Variants in RPP14 observed in about 807,000 individuals in gnomAD.
RPP14 encodes the protein ribonuclease P protein subunit p14.
Under a neutral mutation model 17.8 loss-of-function variants are expected in RPP14, and 19 were observed. That is an observed-to-expected ratio of 1.07 (90% CI 0.74 to 1.57). The LOEUF (loss-of-function observed/expected upper bound fraction) is 1.57, where lower values mean the gene tolerates loss of function less well. Ranked by LOEUF, RPP14 falls within the 40% of genes most tolerant of loss-of-function variation. RPP14 has a pLI of 0.00. For missense variants in RPP14, 125 were observed against 140.8 expected, an observed-to-expected ratio of 0.89 and a Z score of 0.57; for synonymous variants, 60 against 56.4, an observed-to-expected ratio of 1.06 and a Z score of -0.29.
chr3:58,308,221 C>T (rs1306834196), intron 1 of RPP14, among the ~76,000 whole-genome samples: 2 of 152,068 alleles, frequency 1.3e-5, no homozygotes, highest in African/African-American at 2.4e-5. Context: ...AATATATAGG[C>T]CTATACCACT....
At chr3:58,312,071 CCCAGGCT>C (rs2097482847) in intron 3 of RPP14, among the ~76,000 whole-genome samples, 1 of 151,742 alleles carries the variant, frequency 6.6e-6, no homozygotes. Flanking sequence ...CACTATGTTG[CCCAGGCT>C]CCTGGACTCA....
Position 58,310,362 on chromosome 3 carries a change from A to G in RPP14, c.33A>G (p.Val11=). Residue 11 remains valine, a synonymous_variant, in exon 2 of 6, where the codon GTA becomes GTG. Coordinates refer to ENST00000295959, the MANE Select transcript of RPP14 (RefSeq NM_007042.6). MPAPAATYER[V]VYKNPSEYHY... ...CCCCTGCTGCCACATATGAAAGAGT[A>G]GTTTACAAAAACCCTTCCGAGTACC... 1.9e-6 allele frequency: 3 copies of G among 1,614,228 alleles called. No individual in the cohort carries two copies. The highest frequency in any genetic ancestry group is 2.5e-6 in the Non-Finnish European group (3 of 1,180,034).
In RPP14 at chr3:58,319,503, G is replaced by A. The variant is rs1240397561; in HGVS notation, c.*2007G>A. On this transcript the variant is annotated 3_prime_UTR_variant, in exon 6 of 6. Coordinates refer to ENST00000295959, the MANE Select transcript of RPP14 (RefSeq NM_007042.6). ...GACTGGCCCACAGTTAAACGTAACA[G>A]ACCAGTTTTTCAGGGTGTCAGCCAA... 2 of 152,122 alleles carry A rather than the reference G, an allele frequency of 1.3e-5. No homozygotes were observed. Among genetic ancestry groups the A allele is most frequent in the Non-Finnish European group, 2.9e-5 (2 of 68,022 alleles). 9.4% of individuals were successfully genotyped at this position (152,122 alleles called of 1,614,324 possible).
chr3:58,317,860 G>T lies in RPP14; in HGVS notation c.*364G>T. On this transcript the variant is annotated 3_prime_UTR_variant, in exon 6 of 6. Transcript: ENST00000295959. ...ACACACCAAGTTTGGAAATACAATT[G>T]TACATGGAGTTTTGATCAACGGACT... 1 of 703,022 alleles carries T rather than the reference G, an allele frequency of 1.4e-6. No homozygotes were observed. The highest frequency in any genetic ancestry group is 2.6e-6 in the Non-Finnish European group (1 of 385,000). The allele number at this position is 703,022 out of a possible 1,614,324, so 43.5% of individuals were successfully genotyped here.
chr3:58,317,536 A>T lies in RPP14; in HGVS notation c.*40A>T. ...ATTTTGGAAACGTTCATCCACTCTC[A>T]TATTTATTTTTTGGTGCCTGCATGT... On this transcript the variant is annotated 3_prime_UTR_variant, in exon 6 of 6. Coordinates refer to ENST00000295959, the MANE Select transcript of RPP14 (RefSeq NM_007042.6). 7.2e-7 allele frequency: 1 copy of T among 1,387,330 alleles called. No individual in the cohort carries two copies. Among genetic ancestry groups the T allele is most frequent in the Non-Finnish European group, 1.0e-6 (1 of 982,764 alleles). 85.9% of individuals were successfully genotyped at this position (1,387,330 alleles called of 1,614,324 possible). A position where few individuals can be genotyped will look rare whatever the true frequency, so the allele number is the denominator to read the frequency against.
intron 3 of RPP14, among the ~76,000 whole-genome samples, chr3:58,315,023 G>C (rs894376678): frequency 3.3e-5 from 5 of 152,206 alleles, no homozygotes; most frequent in South Asian, 2.1e-4. Flanking sequence ...ATCTGCCATA[G>C]AACCCAGCAT....
intron 1 of RPP14, chr3:58,308,035 T>A (rs2097477552): frequency 6.6e-6 from 1 of 152,034 alleles, no homozygotes; most frequent in African/African-American, 2.4e-5. Flanking sequence ...CTCCCCTATT[T>A]TAGGCAGCCA....
intron 3 of RPP14, among the ~76,000 whole-genome samples, chr3:58,311,682 A>AGTACTG (rs4021306): frequency 0.36 from 53,784 of 149,358 alleles, 10,523 homozygotes; most frequent in East Asian, 0.81. Context: ...TATTGGGAAT[A>AGTACTG]CAATAAATAT....
chr3:58,310,591 G>C lies in RPP14; in HGVS notation c.162G>C (p.Glu54Asp), dbSNP rs759721296. ...LISAVKDLFG[E>D]VDAALPLDIL... ...CGGCTGTGAAGGACCTGTTTGGGGA[G>C]GTATGGAATCACTTGGTAGATTGAA... Residue 54 changes from glutamate (E) to aspartate (D), a missense_variant and splice_region_variant, in exon 3 of 6, where the codon GAG becomes GAC. Coordinates refer to ENST00000295959, the MANE Select transcript of RPP14 (RefSeq NM_007042.6). The C allele has an allele frequency of 2.5e-6, 4 of 1,609,036 alleles. No individual in the cohort carries two copies. The highest frequency in any genetic ancestry group is 3.4e-6 in the Non-Finnish European group (4 of 1,177,870).
Position 58,319,713 on chromosome 3 carries a change from G to A in RPP14, c.*2217G>A, listed in dbSNP as rs1401264293. 1.3e-5 allele frequency: 2 copies of A among 152,034 alleles called. No individual in the cohort carries two copies. Among genetic ancestry groups the A allele is most frequent in the South Asian group, 4.1e-4 (2 of 4,830 alleles). The allele number at this position is 152,034 out of a possible 1,614,324, so 9.4% of individuals were successfully genotyped here. On this transcript the variant is annotated 3_prime_UTR_variant, in exon 6 of 6. Coordinates refer to ENST00000295959, the MANE Select transcript of RPP14 (RefSeq NM_007042.6). Reference sequence around the variant, plus strand: ...TTAAGACTTTGGGGGCTGGGGTCAGGGAGGTTATATTGAAGGGGAGATGTG... The same window carrying A: ...TTAAGACTTTGGGGGCTGGGGTCAGAGAGGTTATATTGAAGGGGAGATGTG...
intron 4 of RPP14, 113 bp from the exon 5 acceptor site, chr3:58,316,801 TC>T: frequency 1.0e-6 from 1 of 989,630 alleles, no homozygotes; most frequent in East Asian, 2.5e-5. Context: ...GCTGTAGTTT[TC>T]CCATTGATGG....
Position 58,317,755 on chromosome 3 carries a change from T to A in RPP14, c.*259T>A. On this transcript the variant is annotated 3_prime_UTR_variant, in exon 6 of 6. Transcript: ENST00000295959. ...AGACCGCGCTGAACTTAGGAGGGCC[T>A]TCACACAGACTGATGTGGCTACCTT... 1.4e-6 allele frequency: 1 copy of A among 703,328 alleles called. No individual in the cohort carries two copies. Among genetic ancestry groups the A allele is most frequent in the Non-Finnish European group, 2.6e-6 (1 of 385,012 alleles). 43.6% of individuals were successfully genotyped at this position (703,328 alleles called of 1,614,324 possible).
chr3:58,310,571 G>A lies in RPP14; in HGVS notation c.142G>A (p.Val48Met). ...AQFKQLLISA[V>M]KDLFGEVDAA... is the part of the protein sequence containing the mutation. ...GTTCAAACAGCTGCTTATTTCGGCT[G>A]TGAAGGACCTGTTTGGGGAGGTATG... Residue 48 changes from valine (V) to methionine (M), a missense_variant, in exon 3 of 6, where the codon GTG (valine) becomes ATG (methionine). Coordinates refer to ENST00000295959, the MANE Select transcript of RPP14 (RefSeq NM_007042.6). 1.2e-6 allele frequency: 2 copies of A among 1,612,598 alleles called. No homozygotes were observed. The highest frequency in any genetic ancestry group is 2.2e-5 in the East Asian group (1 of 44,850).
chr3:58,310,216 A>C (rs1457375598), intron 1 of RPP14, 93 bp from the exon 2 acceptor site: 1 of 946,190 alleles, frequency 1.1e-6, no homozygotes, highest in African/African-American at 1.7e-5. Context: ...TAAAACAAAC[A>C]AACAAAAAAA....
In RPP14 at chr3:58,310,533, T is replaced by C. The variant is rs2097481051; in HGVS notation, c.104T>C (p.Leu35Pro). The C allele has an allele frequency of 6.2e-7, 1 of 1,612,150 alleles. No homozygotes were observed. The highest frequency in any genetic ancestry group is 8.5e-7 in the Non-Finnish European group (1 of 1,179,512). Residue 35 changes from leucine to proline, a missense_variant, in exon 3 of 6, where the codon CTG becomes CCG. Leu to Pro is a moderately conservative substitution (Grantham distance 98, BLOSUM62 -3). Transcript: ENST00000295959. ...CLEFQDCGVG[L>P]NAAQFKQLLI... Reference sequence around the variant, plus strand: ...GAATTTCAAGATTGTGGAGTTGGACTGAATGCTGCACAGTTCAAACAGCTG... The same window carrying C: ...GAATTTCAAGATTGTGGAGTTGGACCGAATGCTGCACAGTTCAAACAGCTG...
At position 58,317,140 on chromosome 3, in the gene RPP14, C is replaced by T. The variant is rs2097489155; in HGVS notation, c.318+147C>T. 3 of 648,806 alleles carry T rather than the reference C, an allele frequency of 4.6e-6. No homozygotes were observed. The South Asian group carries it at 6.3e-5, about 14-fold the overall frequency. 40.2% of individuals were successfully genotyped at this position (648,806 alleles called of 1,614,324 possible). A position where few individuals can be genotyped will look rare whatever the true frequency, so the allele number is the denominator to read the frequency against. On this transcript the variant is annotated intron_variant, in intron 5 of 5. Coordinates refer to ENST00000295959, the MANE Select transcript of RPP14 (RefSeq NM_007042.6). ...GGAAAATAAAGGACTTGATTGTTTC[C>T]AAAAATGTGAGACAGAGCACTTAGA...
At chr3:58,316,701 G>C (rs759572883) in intron 4 of RPP14, 110 bp downstream of exon 4, 36 of 1,059,206 alleles carry the variant, frequency 3.4e-5, no homozygotes, top group Non-Finnish European at 5.0e-5. Context: ...ACTCTGAGCA[G>C]CTTTTGGGAA....
Position 58,319,141 on chromosome 3 carries a change from G to C in RPP14, c.*1645G>C, listed in dbSNP as rs568616941. The C allele has an allele frequency of 2.6e-5, 4 of 152,274 alleles. No individual in the cohort carries two copies. In the South Asian group the frequency reaches 8.3e-4, roughly 32 times the overall value. The allele number at this position is 152,274 out of a possible 1,614,324, so 9.4% of individuals were successfully genotyped here. A position where few individuals can be genotyped will look rare whatever the true frequency, so the allele number is the denominator to read the frequency against. On this transcript the variant is annotated 3_prime_UTR_variant, in exon 6 of 6. Transcript: ENST00000295959. ...TATTGAAGGCGAAAATAGAAGTTGG[G>C]TCATCTTTGAACACCTACCTTTTAT...
chr3:58,313,286 A>G (rs2097484462), intron 3 of RPP14, among the ~76,000 whole-genome samples: 1 of 152,176 alleles, frequency 6.6e-6, no homozygotes, highest in East Asian at 1.9e-4. Flanking sequence ...TGAAAAAAAG[A>G]TGAACTGAAC....
Sources: gnomAD v4.1 joint callset for allele counts (sites outside exome capture counted in the v4.1 genomes callset) on GRCh38, gnomAD v4.1.1 for gene constraint, MANE v1.5 for transcripts, NCBI Gene and HGNC (gene_info 2026-07-23, HGNC 2026-07-21) for gene names.